The following FGF6 variants were observed in gnomAD, a reference collection of about 807,000 sequenced individuals.
The protein encoded by FGF6 is fibroblast growth factor 6.
A neutral mutation model predicts 18.4 loss-of-function variants in FGF6; 14 were observed. The ratio of observed to expected loss-of-function variants is 0.76; its 90% confidence interval spans 0.50 to 1.19. The LOEUF (loss-of-function observed/expected upper bound fraction) is 1.19, where lower values mean the gene tolerates loss of function less well. Ranked by LOEUF, FGF6 falls within the 50% of genes most tolerant of loss-of-function variation. The pLI is 0.00. For synonymous variants in FGF6, 125 were observed against 116.7 expected (o/e 1.07, Z -0.46); for missense variants, 266 against 271.6 (o/e 0.98, Z 0.15).
Position 4,445,119 on chromosome 12 carries a change from C to A in FGF6, c.346+106G>T, listed in dbSNP as rs1865741751. Reference sequence around the variant, plus strand: ...ATCTAAGTGGTGAGCAGCATTTCTGCCCCCTTTATCGTGCATCCTGTCCGC... The same window carrying A: ...ATCTAAGTGGTGAGCAGCATTTCTGACCCCTTTATCGTGCATCCTGTCCGC... On this transcript the variant is annotated intron_variant, in intron 1 of 2. Transcript: ENST00000228837. The surrounding 1 kb of genome is among the most constrained non-coding windows in gnomAD (Gnocchi z 5.5). The A allele has an allele frequency of 4.2e-6, 4 of 957,714 alleles. No homozygotes were observed. The highest frequency in any genetic ancestry group is 6.2e-6 in the Non-Finnish European group (4 of 647,996). The allele number at this position is 957,714 out of a possible 1,614,324, so 59.3% of individuals were successfully genotyped here.
At chr12:4,441,368 G>C (rs1467995385) in intron 2 of FGF6, among the ~76,000 whole-genome samples, 1 of 152,198 alleles carries the variant, frequency 6.6e-6, no homozygotes, top group Non-Finnish European at 1.5e-5. Flanking sequence ...GTGGCTGGAC[G>C]TGTGACCCTG....
chr12:4,440,075 C>T (rs17183668), intron 2 of FGF6, among the ~76,000 whole-genome samples: 3,680 of 152,260 alleles, frequency 0.024, 144 homozygotes, highest in African/African-American at 0.084. Context: ...AGAACGCACT[C>T]GAGCCAAGTG....
intron 2 of FGF6, among the ~76,000 whole-genome samples, chr12:4,443,083 T>C (rs1045208723): frequency 1.3e-5 from 2 of 152,212 alleles, no homozygotes; most frequent in Non-Finnish European, 1.5e-5. Flanking sequence ...GCATGCCGTA[T>C]GTCCACATAA....
At position 4,444,251 on chromosome 12, in the gene FGF6, G is replaced by T. The variant is rs1307284628; in HGVS notation, c.347-15C>A. 3 of 1,565,334 alleles carry T rather than the reference G, an allele frequency of 1.9e-6. No homozygotes were observed. Among genetic ancestry groups the T allele is most frequent in the East Asian group, 2.2e-5 (1 of 44,656 alleles). On this transcript the variant is annotated splice_polypyrimidine_tract_variant and intron_variant, in intron 1 of 2. Coordinates refer to ENST00000228837, the MANE Select transcript of FGF6 (RefSeq NM_020996.3). ...TTCCAGCAGGCCTGACAAGGAAAGG[G>T]GGGCCACATTACCTAAGGCTTGTGC... is the stretch of plus-strand genomic sequence containing the variant.
At chr12:4,439,084 C>G (rs17183696) in intron 2 of FGF6, among the ~76,000 whole-genome samples, 2,522 of 152,288 alleles carry the variant, frequency 0.017, 81 homozygotes, top group African/African-American at 0.058. Context: ...GGGAGTGAGA[C>G]TTTCCATAGA....
In FGF6 at chr12:4,445,211, C is replaced by T. The variant is rs907519539; in HGVS notation, c.346+14G>A. On this transcript the variant is annotated intron_variant, in intron 1 of 2. Transcript: ENST00000228837. The surrounding 1 kb of genome is among the most constrained non-coding windows in gnomAD (Gnocchi z 5.5). ...AACCCCCAAGCGTCCCGACTGGCTG[C>T]AGCTGGCACTCACTGTAGGGGTTCT... 8 of 1,595,632 alleles carry T rather than the reference C, an allele frequency of 5.0e-6. No individual in the cohort carries two copies. In the African/African-American group the frequency reaches 9.4e-5, roughly 19 times the overall value.
Position 4,434,151 on chromosome 12 carries a change from G to A in FGF6, c.*64C>T, listed in dbSNP as rs546911469. On this transcript the variant is annotated 3_prime_UTR_variant, in exon 3 of 3. Coordinates refer to ENST00000228837, the MANE Select transcript of FGF6 (RefSeq NM_020996.3). ...CCATGGAGGGCAAGGGGAATTCTTC[G>A]CTGGTGCAAAATTTCAATCGAACAG... 497 of 1,550,986 alleles carry A rather than the reference G, an allele frequency of 3.2e-4. No individual in the cohort carries two copies. Among genetic ancestry groups the A allele is most frequent in the Non-Finnish European group, 4.2e-4 (473 of 1,129,172 alleles).
chr12:4,435,344 T>C (rs1865616225), intron 2 of FGF6, among the ~76,000 whole-genome samples: 1 of 152,156 alleles, frequency 6.6e-6, no homozygotes, highest in South Asian at 2.1e-4. Flanking sequence ...GCAAGAACCC[T>C]GTTGTGAACT....
In FGF6 at chr12:4,445,264, C is replaced by CG; in HGVS notation, c.306dup (p.Asp103ArgfsTer42). 1 of 1,613,730 alleles carries CG rather than the reference C, an allele frequency of 6.2e-7. No individual in the cohort carries two copies. Among genetic ancestry groups the CG allele is most frequent in the Middle Eastern group, 1.7e-4 (1 of 6,060 alleles). On this transcript the variant is annotated frameshift_variant, in exon 1 of 3. Transcript: ENST00000228837. LOFTEE classifies it high-confidence loss of function. The surrounding 1 kb of genome is among the most constrained non-coding windows in gnomAD (Gnocchi z 5.5). ...TCGTGGGTCCCGCTGATCCGGCCGT[C>CG]GGGGAGCACCTGGAGGTGAAAGCCG... is the stretch of plus-strand genomic sequence containing the variant.
chr12:4,434,394 G>C lies in FGF6; in HGVS notation c.451-3C>G. 4 of 1,614,154 alleles carry C rather than the reference G, an allele frequency of 2.5e-6. No individual in the cohort carries two copies. The highest frequency in any genetic ancestry group is 3.4e-6 in the Non-Finnish European group (4 of 1,180,004). ...TTGCATTCTTCTTGGAAGCTGGGCT[G>C]TGGAAGACATGGGCAAACAGCAGAG... On this transcript the variant is annotated splice_polypyrimidine_tract_variant and splice_region_variant and intron_variant, in intron 2 of 2. Transcript: ENST00000228837.
At position 4,445,653 on chromosome 12, in the gene FGF6, GCA is replaced by G. The variant is rs1307799824; in HGVS notation, c.-85_-84del. Reference sequence around the variant, plus strand: ...TTGTTTTTCTCCCTCCGGCATGGCGGCAGGGGCTTATTTTTGGAAGGCAGATG... The same window carrying G: ...TTGTTTTTCTCCCTCCGGCATGGCGGGGGGCTTATTTTTGGAAGGCAGATG... On this transcript the variant is annotated 5_prime_UTR_variant, in exon 1 of 3. Coordinates refer to ENST00000228837, the MANE Select transcript of FGF6 (RefSeq NM_020996.3). This position sits in a 1 kb window ranked among gnomAD's most constrained non-coding sequence, Gnocchi z 5.5. The G allele has an allele frequency of 6.9e-6, 8 of 1,155,822 alleles. No homozygotes were observed. The Admixed American group carries it at 8.3e-5, about 12-fold the overall frequency. 71.6% of individuals were successfully genotyped at this position (1,155,822 alleles called of 1,614,324 possible).
chr12:4,439,304 T>G (rs1865660831), intron 2 of FGF6, among the ~76,000 whole-genome samples: 1 of 152,208 alleles, frequency 6.6e-6, no homozygotes, highest in African/African-American at 2.4e-5. Flanking sequence ...TAACTTTGTA[T>G]GTCCCTGGAG....
At position 4,445,439 on chromosome 12, in the gene FGF6, G is replaced by A. The variant is rs781303718; in HGVS notation, c.132C>T (p.Ala44=). Residue 44 remains alanine, a synonymous_variant, in exon 1 of 3, where the codon GCC becomes GCT. Transcript: ENST00000228837. This position sits in a 1 kb window ranked among gnomAD's most constrained non-coding sequence, Gnocchi z 5.5. Reference sequence around the variant, plus strand: ...CCCTCGAGTCCAGCAGCGTGTTGTTGGCACGGGTGCCTGCAGGCGAGGGCA... The same window carrying A: ...CCCTCGAGTCCAGCAGCGTGTTGTTAGCACGGGTGCCTGCAGGCGAGGGCA... ...MVVPSPAGTR[A]NNTLLDSRGW... is the part of the protein sequence containing the mutation. 1 of 1,613,328 alleles carries A rather than the reference G, an allele frequency of 6.2e-7. No homozygotes were observed. Among genetic ancestry groups the A allele is most frequent in the South Asian group, 1.1e-5 (1 of 91,078 alleles).
At chr12:4,438,077 A>G (rs1865645407) in intron 2 of FGF6, among the ~76,000 whole-genome samples, 1 of 152,192 alleles carries the variant, frequency 6.6e-6, no homozygotes, top group African/African-American at 2.4e-5. Flanking sequence ...CCCTAAACTC[A>G]CTGGAGAATG....
intron 2 of FGF6, among the ~76,000 whole-genome samples, chr12:4,438,841 TAAG>T (rs1865654641): frequency 6.8e-6 from 1 of 146,234 alleles, no homozygotes; most frequent in African/African-American, 2.5e-5. Context: ...CTTGAAAAGA[TAAG>T]AAGCCTCTCT....
At chr12:4,437,495 T>C (rs1865640211) in intron 2 of FGF6, among the ~76,000 whole-genome samples, 1 of 152,186 alleles carries the variant, frequency 6.6e-6, no homozygotes, top group Non-Finnish European at 1.5e-5. Flanking sequence ...TCCTGCCCTG[T>C]GCACAGGACT....
chr12:4,439,126 A>C (rs1263106920), intron 2 of FGF6, among the ~76,000 whole-genome samples: 1 of 152,184 alleles, frequency 6.6e-6, no homozygotes. Context: ...TCCTTAAAAC[A>C]TGTTCCTGTG....
At chr12:4,435,451 C>A (rs1241004522) in intron 2 of FGF6, among the ~76,000 whole-genome samples, 1 of 152,200 alleles carries the variant, frequency 6.6e-6, no homozygotes, top group Non-Finnish European at 1.5e-5. Flanking sequence ...ACCGTCCCCC[C>A]ATGTCCCCAT....
intron 2 of FGF6, among the ~76,000 whole-genome samples, chr12:4,440,513 A>G (rs1219093433): frequency 6.6e-6 from 1 of 152,256 alleles, no homozygotes; most frequent in African/African-American, 2.4e-5. Flanking sequence ...TCTTTGTCCT[A>G]AGACTTTCTT....
Sources: allele counts gnomAD v4.1 joint callset (sites outside exome capture counted in the v4.1 genomes callset), GRCh38; gene constraint gnomAD v4.1.1; non-coding constraint Gnocchi (gnomAD v3.1); transcripts MANE v1.5; gene names NCBI Gene and HGNC (gene_info 2026-07-23, HGNC 2026-07-21).